The following DACH1 variants were observed in gnomAD, a reference collection of about 807,000 sequenced individuals.
The protein encoded by DACH1 is dachshund homolog 1.
A neutral mutation model predicts 54.2 loss-of-function variants in DACH1; 12 were observed. That is an observed-to-expected ratio of 0.22 (90% CI 0.14 to 0.36). The LOEUF (loss-of-function observed/expected upper bound fraction) is 0.36, where lower values mean the gene tolerates loss of function less well. Ranked by LOEUF, DACH1 falls within the 10% of genes least tolerant of loss-of-function variation. The pLI, the probability that DACH1 is intolerant of heterozygous loss-of-function variation, is 1.00. For missense variants in DACH1, 805 were observed against 929.8 expected (o/e 0.87, Z 1.75); for synonymous variants, 386 against 366.2 (o/e 1.05, Z -0.62).
chr13:71,725,984 T>G (rs7996246), intron 1 of DACH1, among the ~76,000 whole-genome samples: 13,478 of 152,172 alleles, frequency 0.089, 1,688 homozygotes, highest in African/African-American at 0.28. Context: ...ACAAATCCCC[T>G]TGGAGAACCT....
chr13:71,816,597 CAT>C lies in DACH1; in HGVS notation c.848+49323_848+49324del, dbSNP rs749171384. ...ATATATACACGTATATATATACACACATATGTGTGTATATATATACACGTGTA... is the reference window on the plus strand; with the variant it reads ...ATATATACACGTATATATATACACACATGTGTGTATATATATACACGTGTA... On this transcript the variant is annotated intron_variant, in intron 1 of 10. Transcript: ENST00000613252. Among the ~76,000 whole-genome samples, 44 of 39,908 alleles carry C rather than the reference CAT, an allele frequency of 1.1e-3. 2 individuals carry two copies. The South Asian group carries it at 0.035, about 32-fold the overall frequency. The allele number at this position is 39,908 out of a possible 152,430, so 26.2% of individuals were successfully genotyped here.
intron 2 of DACH1, among the ~76,000 whole-genome samples, chr13:71,631,039 CT>C (rs1877064080): frequency 6.6e-6 from 1 of 152,178 alleles, no homozygotes; most frequent in Non-Finnish European, 1.5e-5. Context: ...TTAAAATCCC[CT>C]GTAGCTGCCT....
At chr13:71,546,807 C>T (rs1260754902) in intron 6 of DACH1, among the ~76,000 whole-genome samples, 1 of 151,890 alleles carries the variant, frequency 6.6e-6, no homozygotes, top group African/African-American at 2.4e-5. Context: ...GCACTAAAAA[C>T]AATTGAATAC....
At chr13:71,475,093 A>G in intron 10 of DACH1, 48 bp downstream of exon 10, 2 of 1,558,216 alleles carry the variant, frequency 1.3e-6, no homozygotes, top group Non-Finnish European at 1.8e-6. Flanking sequence ...AGCTGAGGAA[A>G]AACTCATATA....
Position 71,462,091 on chromosome 13 carries a change from G to C in DACH1, c.2083+13050C>G, listed in dbSNP as rs142737920. On this transcript the variant is annotated intron_variant, in intron 10 of 10. Coordinates refer to ENST00000613252, the MANE Select transcript of DACH1 (RefSeq NM_080759.6). ...TGAAAGTCAGATCCAATAATTTGTA[G>C]CCATCATTCATCGTTTTATAGGTGT... Among the ~76,000 whole-genome samples the C allele has an allele frequency of 4.4e-3, 670 of 151,922 alleles. 4 individuals carry two copies. Among genetic ancestry groups the C allele is most frequent in the African/African-American group, 0.016 (649 of 41,474 alleles).
intron 6 of DACH1, among the ~76,000 whole-genome samples, chr13:71,549,877 T>A: frequency 6.6e-6 from 1 of 152,150 alleles, no homozygotes; most frequent in Non-Finnish European, 1.5e-5. Context: ...CACACACATG[T>A]TTCTCCTCAA....
At chr13:71,820,378 T>A (rs936697160) in intron 1 of DACH1, among the ~76,000 whole-genome samples, 4 of 152,194 alleles carry the variant, frequency 2.6e-5, no homozygotes, top group African/African-American at 9.6e-5. Flanking sequence ...ACCAAGGAGA[T>A]GTGATTGCTC....
chr13:71,682,417 G>T (rs1880954777), intron 1 of DACH1, among the ~76,000 whole-genome samples: 1 of 152,196 alleles, frequency 6.6e-6, no homozygotes, highest in Non-Finnish European at 1.5e-5. Context: ...GAGGTGGAAT[G>T]AAAGAGTGAT....
intron 10 of DACH1, among the ~76,000 whole-genome samples, chr13:71,452,124 G>A (rs1452619339): frequency 6.6e-6 from 1 of 151,890 alleles, no homozygotes; most frequent in Non-Finnish European, 1.5e-5. Flanking sequence ...TTGTTTTTTT[G>A]TATTGTTTTG....
intron 6 of DACH1, among the ~76,000 whole-genome samples, chr13:71,548,272 C>T (rs1165425222): frequency 6.6e-6 from 1 of 152,084 alleles, no homozygotes; most frequent in Admixed American, 6.6e-5. Context: ...CAGTTTATAT[C>T]TCAGGTTAGA....
intron 1 of DACH1, among the ~76,000 whole-genome samples, chr13:71,818,868 T>C (rs1888072459): frequency 6.6e-6 from 1 of 152,160 alleles, no homozygotes; most frequent in Non-Finnish European, 1.5e-5. Context: ...CATTTTCAGT[T>C]TAGATTCTCA....
At chr13:71,602,893 A>ACT (rs1219490462) in intron 3 of DACH1, among the ~76,000 whole-genome samples, 6 of 152,110 alleles carry the variant, frequency 3.9e-5, no homozygotes, top group Non-Finnish European at 5.9e-5. Context: ...ATATGCTGTG[A>ACT]GTTAATAATA....
Position 71,866,406 on chromosome 13 carries a change from T to TGCCGCTGATGCCGCC in DACH1, c.363_364insGGCGGCATCAGCGGC (p.Gly121_Ile122insGlyGlyIleSerGly). ...GAAGCGACGCCGCCGCCAGCGCTGA[T>TGCCGCTGATGCCGCC]GCCGCCGCCGCCGCCGCCGCTGCCG... On this transcript the variant is annotated inframe_insertion, in exon 1 of 11. Transcript: ENST00000613252. The TGCCGCTGATGCCGCC allele has an allele frequency of 7.0e-7, 1 of 1,421,390 alleles. No individual in the cohort carries two copies. The highest frequency in any genetic ancestry group is 9.3e-7 in the Non-Finnish European group (1 of 1,074,592). The allele number at this position is 1,421,390 out of a possible 1,614,324, so 88.0% of individuals were successfully genotyped here.
intron 3 of DACH1, among the ~76,000 whole-genome samples, chr13:71,601,967 AAC>A (rs2138493150): frequency 6.6e-6 from 1 of 152,086 alleles, no homozygotes; most frequent in South Asian, 2.1e-4. Context: ...TCATACAGTA[AAC>A]AGTTACAAAT....
chr13:71,661,882 T>C (rs528955516), intron 2 of DACH1, among the ~76,000 whole-genome samples: 11 of 152,132 alleles, frequency 7.2e-5, no homozygotes, highest in Non-Finnish European at 1.2e-4. Context: ...AGTCCTGCCT[T>C]CTGGAACAAT....
chr13:71,647,792 A>C (rs1878391637), intron 2 of DACH1, among the ~76,000 whole-genome samples: 1 of 152,226 alleles, frequency 6.6e-6, no homozygotes, highest in Non-Finnish European at 1.5e-5. Context: ...AGCTCCTTGG[A>C]GAATATTAAA....
intron 1 of DACH1, among the ~76,000 whole-genome samples, chr13:71,853,636 T>A (rs954166519): frequency 6.6e-6 from 1 of 152,144 alleles, no homozygotes; most frequent in Admixed American, 6.6e-5. Flanking sequence ...AGGTGGCTAA[T>A]CTGATTTTTA....
intron 1 of DACH1, among the ~76,000 whole-genome samples, chr13:71,860,967 G>C (rs1197055347): frequency 6.6e-6 from 1 of 151,906 alleles, no homozygotes; most frequent in East Asian, 1.9e-4. Context: ...ATCACACGTA[G>C]TAAATCGCCA....
At chr13:71,814,685 A>C in intron 1 of DACH1, among the ~76,000 whole-genome samples, 1 of 152,206 alleles carries the variant, frequency 6.6e-6, no homozygotes, top group Non-Finnish European at 1.5e-5. Context: ...CTGTACAAGA[A>C]ATTACTGTTG....
Sources: allele counts gnomAD v4.1 joint callset (sites outside exome capture counted in the v4.1 genomes callset), GRCh38; gene constraint gnomAD v4.1.1; transcripts MANE v1.5; gene names NCBI Gene and HGNC (gene_info 2026-07-23, HGNC 2026-07-21).